Variants in CBR4 observed in about 807,000 individuals in gnomAD.
CBR4 encodes the protein carbonyl reductase 4, also known as 3-oxoacyl-[acyl-carrier-protein] reductase.
CBR4 carries 22 observed loss-of-function variants against 21.0 expected under a neutral mutation model. That is an observed-to-expected ratio of 1.05 (90% CI 0.75 to 1.50). The LOEUF (loss-of-function observed/expected upper bound fraction) is 1.50, where lower values mean the gene tolerates loss of function less well. Ranked by LOEUF, CBR4 falls within the 40% of genes most tolerant of loss-of-function variation. The pLI is 0.00. For missense variants in CBR4, 302 were observed against 286.3 expected, an observed-to-expected ratio of 1.05 and a Z score of -0.40; for synonymous variants, 100 against 104.4, an observed-to-expected ratio of 0.96 and a Z score of 0.26.
At chr4:168,968,315 TACTG>T (rs1185513836) in intron 2 of CBR4, among the ~76,000 whole-genome samples, 1 of 152,226 alleles carries the variant, frequency 6.6e-6, no homozygotes, top group African/African-American at 2.4e-5. Context: ...CAAAGTGTGT[TACTG>T]ACTAACATGC....
At chr4:168,966,014 A>G (rs137935395) in intron 2 of CBR4, among the ~76,000 whole-genome samples, 17,729 of 152,236 alleles carry the variant, frequency 0.12, 1,080 homozygotes, top group Middle Eastern at 0.21. Flanking sequence ...AAGGGCTAAT[A>G]TCCAGAATCT....
At chr4:168,975,528 C>T (rs1012415344) in intron 2 of CBR4, among the ~76,000 whole-genome samples, 10 of 152,080 alleles carry the variant, frequency 6.6e-5, no homozygotes, top group African/African-American at 1.9e-4. Flanking sequence ...TGGCCTCTAG[C>T]GAGGAAGTGA....
intron 2 of CBR4, among the ~76,000 whole-genome samples, chr4:168,940,744 C>T (rs965158737): frequency 1.3e-5 from 2 of 152,152 alleles, no homozygotes; most frequent in African/African-American, 2.4e-5. Context: ...ATATCTCATG[C>T]CAGTTAAAAT....
At chr4:168,905,050 C>T (rs949897833) in intron 2 of CBR4, among the ~76,000 whole-genome samples, 2 of 151,490 alleles carry the variant, frequency 1.3e-5, no homozygotes, top group African/African-American at 4.8e-5. Context: ...TCACTTGAAC[C>T]TGGGATGCGG....
chr4:168,894,886 A>C, intron 2 of CBR4: 1 of 675,340 alleles, frequency 1.5e-6, no homozygotes, highest in Non-Finnish European at 2.4e-6. Context: ...TCCATCAGTG[A>C]TACCTGTTCT....
chr4:168,964,024 T>A, intron 2 of CBR4, among the ~76,000 whole-genome samples: 1 of 152,218 alleles, frequency 6.6e-6, no homozygotes, highest in African/African-American at 2.4e-5. Flanking sequence ...ACAGGAAATA[T>A]AGATCATCAG....
At position 169,006,876 on chromosome 4, in the gene CBR4, T is replaced by C; in HGVS notation, c.279A>G (p.Val93=). The C allele has an allele frequency of 6.2e-7, 1 of 1,612,498 alleles. No individual in the cohort carries two copies. Among genetic ancestry groups the C allele is most frequent in the African/African-American group, 1.3e-5 (1 of 74,978 alleles). The change falls in exon 3 of 5, where the codon GTA becomes GTG. Residue 93 remains valine (V), a synonymous_variant. Coordinates refer to ENST00000306193, the MANE Select transcript of CBR4 (RefSeq NM_032783.5). The part of the protein sequence containing the change: ...AAGINRDGLL[V]RTKTEDMVSQ... Reference sequence around the variant, plus strand: ...ATACCATATCTTCAGTTTTTGTTCTTACTAAAAGACCATCCCTACAAAAAG... The same window carrying C: ...ATACCATATCTTCAGTTTTTGTTCTCACTAAAAGACCATCCCTACAAAAAG...
intron 2 of CBR4, among the ~76,000 whole-genome samples, chr4:168,897,609 G>A (rs952315862): frequency 6.6e-6 from 1 of 152,044 alleles, no homozygotes; most frequent in Non-Finnish European, 1.5e-5. Flanking sequence ...ACCATGCCCA[G>A]CTACTGTTCT....
intron 4 of CBR4, among the ~76,000 whole-genome samples, chr4:168,994,086 A>C (rs553087855): frequency 1.3e-5 from 2 of 152,232 alleles, no homozygotes; most frequent in Non-Finnish European, 2.9e-5. Context: ...CGGCCTTCAG[A>C]GCTGAGAGCC....
At chr4:168,927,470 T>C (rs992975264) in intron 2 of CBR4, 14 of 232,648 alleles carry the variant, frequency 6.0e-5, no homozygotes, top group East Asian at 1.8e-4. Flanking sequence ...TTTAGGTATG[T>C]AGAGCAAGTT....
intron 2 of CBR4, among the ~76,000 whole-genome samples, chr4:168,977,612 T>C (rs997800467): frequency 6.6e-6 from 1 of 152,206 alleles, no homozygotes; most frequent in Non-Finnish European, 1.5e-5. Context: ...ACACAGATGA[T>C]ATATTTCTTG....
intron 2 of CBR4, among the ~76,000 whole-genome samples, chr4:168,953,438 T>G (rs1763600448): frequency 6.6e-6 from 1 of 152,116 alleles, no homozygotes; most frequent in Non-Finnish European, 1.5e-5. Context: ...TTTTTTTGGT[T>G]TTTTGGAGAC....
At chr4:168,943,100 G>C (rs1763306512) in intron 2 of CBR4, among the ~76,000 whole-genome samples, 1 of 152,196 alleles carries the variant, frequency 6.6e-6, no homozygotes. Context: ...ATACGATTAA[G>C]CAATCCTACC....
intron 2 of CBR4, among the ~76,000 whole-genome samples, chr4:168,932,318 C>A (rs1762993350): frequency 1.3e-5 from 2 of 149,982 alleles, no homozygotes; most frequent in African/African-American, 4.9e-5. Context: ...TCAAGAGCTT[C>A]AACAACAGAT....
At chr4:168,903,612 C>A (rs1757015044) in intron 2 of CBR4, 4 of 658,256 alleles carry the variant, frequency 6.1e-6, no homozygotes, top group South Asian at 1.8e-5. Context: ...AGTGAAAAAT[C>A]AATTCCTTAG....
intron 2 of CBR4, among the ~76,000 whole-genome samples, chr4:168,956,492 G>A (rs1274540014): frequency 1.3e-5 from 2 of 149,758 alleles, no homozygotes; most frequent in African/African-American, 4.9e-5. Context: ...CAGCTATGTA[G>A]GAGGCTGAGG....
chr4:168,959,100 C>T (rs548115995), intron 2 of CBR4, among the ~76,000 whole-genome samples: 24 of 152,040 alleles, frequency 1.6e-4, no homozygotes, highest in Non-Finnish European at 2.9e-5. Context: ...GGTGTCTTAT[C>T]TAAGGAATCA....
At chr4:168,911,858 A>C (rs1387801966) in intron 2 of CBR4, among the ~76,000 whole-genome samples, 2 of 152,190 alleles carry the variant, frequency 1.3e-5, no homozygotes, top group Non-Finnish European at 2.9e-5. Context: ...CCTCAATAGC[A>C]AACACCGTGA....
chr4:168,930,219 T>C (rs72704240), intron 2 of CBR4, among the ~76,000 whole-genome samples: 1 of 152,136 alleles, frequency 6.6e-6, no homozygotes, highest in African/African-American at 2.4e-5. Context: ...ATTTGTTTTA[T>C]GTATTTTATG....
Sources: allele counts gnomAD v4.1 joint callset (sites outside exome capture counted in the v4.1 genomes callset), GRCh38; gene constraint gnomAD v4.1.1; transcripts MANE v1.5; gene names NCBI Gene and HGNC (gene_info 2026-07-23, HGNC 2026-07-21).